Variants in COMMD1 observed in about 807,000 individuals in gnomAD.
COMMD1 encodes COMM domain-containing protein 1.
COMMD1 carries 10 observed loss-of-function variants against 17.2 expected under a neutral mutation model. The ratio of observed to expected loss-of-function variants is 0.58; its 90% CI spans 0.36 to 0.99. The LOEUF (loss-of-function observed/expected upper bound fraction) is 0.99. COMMD1 is among the 50% of genes least tolerant of loss of function. COMMD1 has a pLI of 0.01. For missense variants in COMMD1, 270 were observed against 231.8 expected, an observed-to-expected ratio of 1.17 and a Z score of -1.07; for synonymous variants, 97 against 91.6, an observed-to-expected ratio of 1.06 and a Z score of -0.34.
At chr2:61,920,981 A>ATATATATATATATAT (rs749403795) in intron 1 of COMMD1, among the ~76,000 whole-genome samples, 4 of 141,400 alleles carry the variant, frequency 2.8e-5, no homozygotes, top group African/African-American at 1.1e-4. Context: ...ATATATATAT[A>ATATATATATATATAT]TTTTTTTTTT....
intron 2 of COMMD1, among the ~76,000 whole-genome samples, chr2:62,026,557 C>T (rs1669762320): frequency 6.6e-6 from 1 of 152,168 alleles, no homozygotes; most frequent in Non-Finnish European, 1.5e-5. Flanking sequence ...GACAAATACC[C>T]AAACTATATC....
chr2:62,038,913 AAGAC>A (rs1173001559), intron 2 of COMMD1, among the ~76,000 whole-genome samples: 1 of 152,166 alleles, frequency 6.6e-6, no homozygotes, highest in East Asian at 1.9e-4. Flanking sequence ...TTTCTAATGA[AAGAC>A]AGTTTATGTA....
chr2:61,901,942 T>G (rs1343436141), upstream of COMMD1, among the ~76,000 whole-genome samples: 1 of 151,988 alleles, frequency 6.6e-6, no homozygotes, highest in East Asian at 2.0e-4. Context: ...CAAGCGATTC[T>G]CCTGCCTCAG....
At chr2:62,118,743 T>C (rs1181408902) in intron 2 of COMMD1, among the ~76,000 whole-genome samples, 1 of 152,238 alleles carries the variant, frequency 6.6e-6, no homozygotes, top group Admixed American at 6.5e-5. Context: ...TCAAGTTCAA[T>C]GAGGGTGAGG....
At chr2:62,126,335 A>T (rs1672887941) in intron 2 of COMMD1, among the ~76,000 whole-genome samples, 1 of 152,168 alleles carries the variant, frequency 6.6e-6, no homozygotes, top group Non-Finnish European at 1.5e-5. Flanking sequence ...TAGATCTTTG[A>T]TGAATCGCCA....
At chr2:61,907,290 A>G (rs1669796747) in intron 1 of COMMD1, among the ~76,000 whole-genome samples, 3 of 152,142 alleles carry the variant, frequency 2.0e-5, no homozygotes, top group Non-Finnish European at 4.4e-5. Context: ...TATTTTTAGT[A>G]GAGACTGGGT....
intron 1 of COMMD1, among the ~76,000 whole-genome samples, chr2:61,894,246 G>C (rs1408345767): frequency 6.6e-6 from 1 of 152,150 alleles, no homozygotes; most frequent in Admixed American, 6.6e-5. Context: ...TGGGACTACA[G>C]TATCGTGCAA....
chr2:62,078,331 A>G lies in COMMD1; in HGVS notation c.463-57500A>G, dbSNP rs1271200957. On this transcript the variant is annotated intron_variant, in intron 2 of 2. Coordinates refer to ENST00000311832, the MANE Select transcript of COMMD1 (RefSeq NM_152516.4). ...CACTTTGGGAGGCCGAGGTGGGTAG[A>G]TCATGAGGTCAAGAGTTCGAGACCA... is the stretch of plus-strand genomic sequence containing the variant. Among the ~76,000 whole-genome samples, 3 of 149,540 alleles carry G rather than the reference A, an allele frequency of 2.0e-5. No homozygotes were observed. In the Admixed American group the frequency reaches 2.0e-4, roughly 10 times the overall value.
chr2:62,032,271 C>T (rs1669927830), intron 2 of COMMD1, among the ~76,000 whole-genome samples: 1 of 152,176 alleles, frequency 6.6e-6, no homozygotes, highest in Admixed American at 6.5e-5. Context: ...TGTGGTGGCT[C>T]ACACCTGTAA....
chr2:61,938,315 G>T (rs1670654100), intron 1 of COMMD1, among the ~76,000 whole-genome samples: 1 of 151,726 alleles, frequency 6.6e-6, no homozygotes, highest in African/African-American at 2.4e-5. Context: ...ATGATCTTCT[G>T]GGGGCACGCT....
chr2:62,004,303 T>G (rs990284480), intron 2 of COMMD1, among the ~76,000 whole-genome samples: 6 of 152,140 alleles, frequency 3.9e-5, no homozygotes, highest in African/African-American at 1.2e-4. Context: ...CATAAAATCC[T>G]TTTTATTTGT....
chr2:61,935,005 T>C (rs1407698851), intron 1 of COMMD1, among the ~76,000 whole-genome samples: 1 of 152,180 alleles, frequency 6.6e-6, no homozygotes, highest in Non-Finnish European at 1.5e-5. Context: ...GAGCAGAGCA[T>C]GGAAGATGTG....
intron 2 of COMMD1, among the ~76,000 whole-genome samples, chr2:62,057,400 C>T (rs567277897): frequency 3.3e-5 from 5 of 152,190 alleles, no homozygotes; most frequent in Admixed American, 2.6e-4. Flanking sequence ...GGGATAAACC[C>T]TATTAGCTCA....
At chr2:61,962,250 T>C (rs1186207532) in intron 1 of COMMD1, among the ~76,000 whole-genome samples, 1 of 152,200 alleles carries the variant, frequency 6.6e-6, no homozygotes, top group Non-Finnish European at 1.5e-5. Context: ...GAAGTCCTGC[T>C]GCCAGTGTTC....
chr2:62,009,094 T>TA (rs988715609), intron 2 of COMMD1, among the ~76,000 whole-genome samples: 54 of 150,964 alleles, frequency 3.6e-4, no homozygotes, highest in African/African-American at 4.6e-4. Flanking sequence ...TAGAATACTT[T>TA]AAAAAAAAAC....
At chr2:61,993,201 G>A (rs1256262481) in intron 1 of COMMD1, among the ~76,000 whole-genome samples, 1 of 152,204 alleles carries the variant, frequency 6.6e-6, no homozygotes, top group East Asian at 1.9e-4. Flanking sequence ...ACTTGAGGGA[G>A]TCCACACTTA....
chr2:61,915,128 C>G (rs1670016208), intron 1 of COMMD1, among the ~76,000 whole-genome samples: 1 of 151,824 alleles, frequency 6.6e-6, no homozygotes, highest in African/African-American at 2.4e-5. Context: ...ACTTCATCCA[C>G]CCAAGTAGCT....
At chr2:62,098,474 C>T (rs2104014644) in intron 2 of COMMD1, among the ~76,000 whole-genome samples, 1 of 152,164 alleles carries the variant, frequency 6.6e-6, no homozygotes, top group East Asian at 1.9e-4. Flanking sequence ...CTAGGGTTGA[C>T]TAAGTGACTG....
chr2:62,010,973 C>T (rs1423422932), intron 2 of COMMD1, among the ~76,000 whole-genome samples: 2 of 152,188 alleles, frequency 1.3e-5, no homozygotes, highest in Non-Finnish European at 2.9e-5. Flanking sequence ...AGTTCTCTCC[C>T]TTACTTCGTC....
Sources: gnomAD v4.1 joint callset for allele counts (sites outside exome capture counted in the v4.1 genomes callset) on GRCh38, gnomAD v4.1.1 for gene constraint, MANE v1.5 for transcripts, NCBI Gene and HGNC (gene_info 2026-07-23, HGNC 2026-07-21) for gene names.